Variants in SC5D observed in about 807,000 individuals in gnomAD.
SC5D encodes the protein sterol-C5-desaturase.
A neutral mutation model predicts 23.9 loss-of-function variants in SC5D; 21 were observed. The ratio of observed to expected loss-of-function variants is 0.88; its 90% CI spans 0.62 to 1.26. The LOEUF (loss-of-function observed/expected upper bound fraction) is 1.26. Among genes scored for constraint, SC5D ranks in the 50% most tolerant of loss-of-function variants. The probability of loss-of-function intolerance (pLI) is 0.00; values close to 1 mark genes in which losing one functional copy is unlikely to be tolerated. For synonymous variants in SC5D, 113 were observed against 125.9 expected, an observed-to-expected ratio of 0.90 and a Z score of 0.68; for missense variants, 309 against 364.8, an observed-to-expected ratio of 0.85 and a Z score of 1.25.
intron 3 of SC5D, 172 bp downstream of exon 3, chr11:121,304,665 T>G (rs775976244): frequency 6.6e-6 from 4 of 601,542 alleles, no homozygotes; most frequent in Non-Finnish European, 1.1e-5. Context: ...GTGCATTTCT[T>G]TAGTTTTTCT....
chr11:121,294,934 G>T (rs12421079), intron 1 of SC5D, among the ~76,000 whole-genome samples: 8 of 152,280 alleles, frequency 5.3e-5, no homozygotes, highest in African/African-American at 1.7e-4. Flanking sequence ...ATATTACGTA[G>T]TACCCTGTCC....
chr11:121,294,949 T>C (rs922621681), intron 1 of SC5D, among the ~76,000 whole-genome samples: 5 of 152,248 alleles, frequency 3.3e-5, no homozygotes, highest in African/African-American at 9.6e-5. Context: ...CTGTCCCTGC[T>C]ACACCACCTC....
chr11:121,300,557 A>C (rs1947919328), intron 1 of SC5D, among the ~76,000 whole-genome samples: 1 of 152,244 alleles, frequency 6.6e-6, no homozygotes, highest in South Asian at 2.1e-4. Context: ...AACAGGTCTT[A>C]GAGGCACTAT....
At chr11:121,296,792 T>C (rs895777547) in intron 1 of SC5D, among the ~76,000 whole-genome samples, 8 of 152,202 alleles carry the variant, frequency 5.3e-5, no homozygotes, top group African/African-American at 1.9e-4. Context: ...ATCTGGCATT[T>C]GGTGCTAATT....
chr11:121,302,955 A>T (rs1947935895), intron 1 of SC5D, among the ~76,000 whole-genome samples: 1 of 152,152 alleles, frequency 6.6e-6, no homozygotes, highest in Admixed American at 6.5e-5. Context: ...TGAAGGAGAG[A>T]GATGAGCTGA....
intron 3 of SC5D, 25 bp from the exon 4 acceptor site, chr11:121,306,361 T>C (rs1445356926): frequency 9.8e-6 from 12 of 1,219,352 alleles, no homozygotes; most frequent in Non-Finnish European, 1.5e-5. Context: ...GTTTTGATTC[T>C]TCTGTTTCCC....
Position 121,307,604 on chromosome 11 carries a change from C to A in SC5D, c.*92C>A. 2.5e-6 allele frequency: 2 copies of A among 808,790 alleles called. No homozygotes were observed. Among genetic ancestry groups the A allele is most frequent in the South Asian group, 1.8e-5 (1 of 55,690 alleles). 50.1% of individuals were successfully genotyped at this position (808,790 alleles called of 1,614,324 possible). ...AAGGAAAAAATAATATCCATACAGT[C>A]AAGATACATAGTAAATGGTATCATT... On this transcript the variant is annotated 3_prime_UTR_variant, in exon 5 of 5. Coordinates refer to ENST00000264027, the MANE Select transcript of SC5D (RefSeq NM_006918.5).
intron 3 of SC5D, 157 bp from the exon 4 acceptor site, chr11:121,306,229 A>C (rs1423931984): frequency 3.1e-6 from 2 of 636,806 alleles, no homozygotes; most frequent in African/African-American, 1.8e-5. Context: ...CAAGAAGCCA[A>C]GAGAGATTAG....
At chr11:121,296,724 A>G (rs1034066953) in intron 1 of SC5D, among the ~76,000 whole-genome samples, 3 of 152,200 alleles carry the variant, frequency 2.0e-5, no homozygotes, top group Non-Finnish European at 4.4e-5. Context: ...GTGCTTAACA[A>G]TAAGTTCTTA....
At chr11:121,306,319 T>C in intron 3 of SC5D, 67 bp from the exon 4 acceptor site, 1 of 787,000 alleles carries the variant, frequency 1.3e-6, no homozygotes, top group South Asian at 1.4e-5. Flanking sequence ...CAGATGGACA[T>C]GTGAAAAGTG....
Position 121,307,612 on chromosome 11 carries a change from A to C in SC5D, c.*100A>C, listed in dbSNP as rs570600004. 33 of 777,994 alleles carry C rather than the reference A, an allele frequency of 4.2e-5. No homozygotes were observed. The highest frequency in any genetic ancestry group is 1.8e-5 in the Non-Finnish European group (9 of 495,808). 48.2% of individuals were successfully genotyped at this position (777,994 alleles called of 1,614,324 possible). A position where few individuals can be genotyped will look rare whatever the true frequency, so the allele number is the denominator to read the frequency against. On this transcript the variant is annotated 3_prime_UTR_variant, in exon 5 of 5. Coordinates refer to ENST00000264027, the MANE Select transcript of SC5D (RefSeq NM_006918.5). ...AATAATATCCATACAGTCAAGATACATAGTAAATGGTATCATTTGGAAATC... is the reference window on the plus strand; with the variant it reads ...AATAATATCCATACAGTCAAGATACCTAGTAAATGGTATCATTTGGAAATC...
At chr11:121,306,948 T>C in intron 4 of SC5D, 109 bp from the exon 5 acceptor site, 1 of 907,640 alleles carries the variant, frequency 1.1e-6, no homozygotes, top group Non-Finnish European at 1.9e-6. Flanking sequence ...ATAATTTTGC[T>C]GATCTCTACA....
At position 121,307,962 on chromosome 11, in the gene SC5D, T is replaced by TGTCC; in HGVS notation, c.*450_*451insGTCC. On this transcript the variant is annotated 3_prime_UTR_variant, in exon 5 of 5. Coordinates refer to ENST00000264027, the MANE Select transcript of SC5D (RefSeq NM_006918.5). Reference sequence around the variant, plus strand: ...GATTGTTTCTTGTTTCAGGAATGGTTAATTCTTCAACGTTGGTATGATAAT... The same window carrying TGTCC: ...GATTGTTTCTTGTTTCAGGAATGGTTGTCCAATTCTTCAACGTTGGTATGATAAT... 1 of 158,598 alleles carries TGTCC rather than the reference T, an allele frequency of 6.3e-6. No homozygotes were observed. 9.8% of individuals were successfully genotyped at this position (158,598 alleles called of 1,614,324 possible).
intron 1 of SC5D, among the ~76,000 whole-genome samples, chr11:121,293,456 G>C (rs1408961779): frequency 6.6e-6 from 1 of 152,222 alleles, no homozygotes; most frequent in East Asian, 1.9e-4. Flanking sequence ...TAATTAGAAT[G>C]AAGGGACAGC....
At position 121,306,249 on chromosome 11, in the gene SC5D, T is replaced by C. The variant is rs2134269877; in HGVS notation, c.344-137T>C. ...AGCCAAGAGAGATTAGTTTATAATA[T>C]ACTGAATTAGCCAGAACAGATCATT... On this transcript the variant is annotated intron_variant, in intron 3 of 4. Coordinates refer to ENST00000264027, the MANE Select transcript of SC5D (RefSeq NM_006918.5). The C allele has an allele frequency of 8.8e-6, 6 of 678,086 alleles. No homozygotes were observed. The East Asian group carries it at 1.4e-4, about 16-fold the overall frequency. 42.0% of individuals were successfully genotyped at this position (678,086 alleles called of 1,614,324 possible). A position where few individuals can be genotyped will look rare whatever the true frequency, so the allele number is the denominator to read the frequency against.
intron 3 of SC5D, 103 bp downstream of exon 3, chr11:121,304,596 T>C: frequency 1.0e-6 from 1 of 994,784 alleles, no homozygotes; most frequent in Non-Finnish European, 1.6e-6. Context: ...TTAAAATAAT[T>C]ACAAATTATT....
intron 3 of SC5D, chr11:121,305,682 G>A (rs1466286223): frequency 6.7e-6 from 1 of 149,582 alleles, no homozygotes; most frequent in Admixed American, 6.7e-5. Context: ...CTGCACTCCA[G>A]CCTGGGCGAC....
intron 1 of SC5D, chr11:121,293,129 G>C (rs957481382): frequency 6.6e-5 from 10 of 152,422 alleles, no homozygotes; most frequent in African/African-American, 2.4e-4. Flanking sequence ...GGGGGACCTC[G>C]GGGCCTGGAG....
At chr11:121,296,091 G>A (rs1218252955) in intron 1 of SC5D, among the ~76,000 whole-genome samples, 1 of 151,934 alleles carries the variant, frequency 6.6e-6, no homozygotes, top group African/African-American at 2.4e-5. Context: ...GGCTGGTCTC[G>A]AACTCCTGGC....
Sources: allele counts gnomAD v4.1 joint callset (sites outside exome capture counted in the v4.1 genomes callset), GRCh38; gene constraint gnomAD v4.1.1; transcripts MANE v1.5; gene names NCBI Gene and HGNC (gene_info 2026-07-23, HGNC 2026-07-21).